Variants in SCN2A observed in about 807,000 individuals in gnomAD.
SCN2A encodes the protein sodium voltage-gated channel alpha subunit 2.
A neutral mutation model predicts 188.7 loss-of-function variants in SCN2A; 20 were observed. The ratio of observed to expected loss-of-function variants is 0.11; its 90% confidence interval spans 0.07 to 0.15. The LOEUF (loss-of-function observed/expected upper bound fraction) is 0.15. Among genes scored for constraint, SCN2A ranks in the 10% least tolerant of loss-of-function variants. The pLI, the probability that SCN2A is intolerant of heterozygous loss-of-function variation, is 1.00. For synonymous variants in SCN2A, 804 were observed against 833.1 expected (o/e 0.97, Z 0.60); for missense variants, 1,278 against 2,445.0 (o/e 0.52, Z 10.07).
rs774679093 is a variant in SCN2A at position 165,373,211 on chromosome 2, C to G, written c.3850-14C>G. ...ATATGTAAATAAGAAAATTGTGTTGCTTTTTCTGTATAGGTCTCACTGGTT... is the reference window on the plus strand; with the variant it reads ...ATATGTAAATAAGAAAATTGTGTTGGTTTTTCTGTATAGGTCTCACTGGTT... On this transcript the variant is annotated splice_polypyrimidine_tract_variant and intron_variant, in intron 20 of 26. Coordinates refer to ENST00000375437, the MANE Select transcript of SCN2A (RefSeq NM_001040142.2). 3 of 1,612,650 alleles carry G rather than the reference C, an allele frequency of 1.9e-6. No individual in the cohort carries two copies. Among genetic ancestry groups the G allele is most frequent in the Non-Finnish European group, 2.5e-6 (3 of 1,178,886 alleles).
At position 165,326,763 on chromosome 2, in the gene SCN2A, A is replaced by G. The variant is rs74598858; in HGVS notation, c.2017-89A>G. On this transcript the variant is annotated intron_variant, in intron 12 of 26. Transcript: ENST00000375437. ...TTACATCTGAGAAAGCATGGTGTAT[A>G]TTTAGTTAAATAACACCTGTTGTAG... 57,364 of 1,347,980 alleles carry G rather than the reference A, an allele frequency of 0.043. 1,525 individuals are homozygous for G. Among genetic ancestry groups the G allele is most frequent in the Non-Finnish European group, 0.049 (46,134 of 941,284 alleles). 83.5% of individuals were successfully genotyped at this position (1,347,980 alleles called of 1,614,324 possible). A position where few individuals can be genotyped will look rare whatever the true frequency, so the allele number is the denominator to read the frequency against.
chr2:165,331,615 T>A, intron 14 of SCN2A, 47 bp downstream of exon 14: 1 of 1,427,706 alleles, frequency 7.0e-7, no homozygotes, highest in Admixed American at 1.7e-5. Context: ...AGTTTATAAT[T>A]GCCTTAGTGA....
intron 3 of SCN2A, among the ~76,000 whole-genome samples, chr2:165,303,152 T>A (rs1438545327): frequency 6.6e-6 from 1 of 152,216 alleles, no homozygotes; most frequent in East Asian, 1.9e-4. Context: ...GCTACTAGTT[T>A]GAGCCTTTTG....
At chr2:165,249,544 T>G (rs773478639) in intron 1 of SCN2A, among the ~76,000 whole-genome samples, 6 of 152,086 alleles carry the variant, frequency 3.9e-5, no homozygotes, top group Non-Finnish European at 8.8e-5. Context: ...CTTAGCTTAG[T>G]GAATAAGGGA....
At chr2:165,294,091 C>T (rs1166286571) in intron 1 of SCN2A, 1 of 971,560 alleles carries the variant, frequency 1.0e-6, no homozygotes, top group Non-Finnish European at 1.2e-6. Flanking sequence ...CTTCTTGGTG[C>T]CAGCTTATCA....
intron 1 of SCN2A, chr2:165,290,757 AG>A: frequency 1.0e-6 from 1 of 985,170 alleles, no homozygotes; most frequent in Non-Finnish European, 1.2e-6. Context: ...TGATTGCAGT[AG>A]GACAACTTAC....
intron 14 of SCN2A, among the ~76,000 whole-genome samples, chr2:165,332,388 T>C (rs1172967741): frequency 6.6e-6 from 1 of 152,080 alleles, no homozygotes; most frequent in East Asian, 1.9e-4. Context: ...AGTTGGCATA[T>C]GTTGGCCTCT....
At chr2:165,341,274 T>C (rs1439907268) in intron 14 of SCN2A, among the ~76,000 whole-genome samples, 1 of 152,044 alleles carries the variant, frequency 6.6e-6, no homozygotes, top group Non-Finnish European at 1.5e-5. Context: ...TTTGTATTTT[T>C]AGTAGAGAAG....
intron 23 of SCN2A, 66 bp from the exon 24 acceptor site, chr2:165,380,526 C>A (rs1701546699): frequency 1.7e-6 from 2 of 1,178,886 alleles, no homozygotes; most frequent in East Asian, 2.4e-5. Context: ...TAATTAAAAA[C>A]TCACTGATGT....
intron 16 of SCN2A, among the ~76,000 whole-genome samples, chr2:165,345,312 T>C (rs1358291680): frequency 6.6e-6 from 1 of 152,220 alleles, no homozygotes; most frequent in African/African-American, 2.4e-5. Flanking sequence ...TAAGAGCTCA[T>C]GGGGTTTTCG....
intron 1 of SCN2A, among the ~76,000 whole-genome samples, chr2:165,262,843 T>G (rs1284122608): frequency 6.6e-6 from 1 of 152,154 alleles, no homozygotes; most frequent in Non-Finnish European, 1.5e-5. Context: ...TCAGTAATGG[T>G]TGTACTAGTT....
At chr2:165,246,308 C>G (rs1244745029) in intron 1 of SCN2A, among the ~76,000 whole-genome samples, 1 of 152,150 alleles carries the variant, frequency 6.6e-6, no homozygotes, top group Admixed American at 6.5e-5. Context: ...TGTATGGCCT[C>G]TTAACAGACT....
Position 165,386,950 on chromosome 2 carries a change from C to T in SCN2A, c.4756C>T (p.Arg1586Cys). 1 of 1,613,656 alleles carries T rather than the reference C, an allele frequency of 6.2e-7. No individual in the cohort carries two copies. Among genetic ancestry groups the T allele is most frequent in the Non-Finnish European group, 8.5e-7 (1 of 1,179,706 alleles). Reference protein sequence around the residue: ...GECVLKLISLRYYYFTIGWNI... With the variant: ...GECVLKLISLCYYYFTIGWNI... ...ATGTGTGCTGAAACTGATCTCTCTT[C>T]GTTACTACTATTTCACTATTGGATG... Residue 1586 changes from arginine (R) to cysteine (C), a missense_variant, in exon 26 of 27, where the codon CGT becomes TGT. Physicochemically the swap from Arg to Cys is radical, Grantham distance 180. Transcript: ENST00000375437.
intron 1 of SCN2A, among the ~76,000 whole-genome samples, chr2:165,240,730 G>C (rs1201130693): frequency 6.9e-6 from 1 of 145,750 alleles, no homozygotes; most frequent in African/African-American, 2.5e-5. Context: ...GGTGCATCAG[G>C]ATGTTTTTAT....
intron 16 of SCN2A, among the ~76,000 whole-genome samples, chr2:165,353,878 C>A (rs140183834): frequency 0.015 from 2,224 of 152,002 alleles, 175 homozygotes; most frequent in Admixed American, 0.13. Context: ...TATCAGCATC[C>A]CAAATAAAAG....
chr2:165,284,059 T>TCTC (rs1695712875), intron 1 of SCN2A, among the ~76,000 whole-genome samples: 2 of 150,768 alleles, frequency 1.3e-5, no homozygotes, highest in African/African-American at 4.9e-5. Flanking sequence ...CTCTCTCTCT[T>TCTC]TCTCTCTCTC....
rs761906987 is a variant in SCN2A at position 165,313,605 on chromosome 2, C to G, written c.1035-15C>G. 3.7e-5 allele frequency: 60 copies of G among 1,612,984 alleles called. No individual in the cohort carries two copies. Among genetic ancestry groups the G allele is most frequent in the Non-Finnish European group, 5.1e-5 (60 of 1,179,242 alleles). ...CCGTTATTGACTTCCTTTCTTTCCT[C>G]TAACCTAATTATAGCCAGTGTCCTG... is the stretch of plus-strand genomic sequence containing the variant. On this transcript the variant is annotated splice_polypyrimidine_tract_variant and intron_variant, in intron 8 of 26. Transcript: ENST00000375437.
chr2:165,366,466 C>T (rs1462586850), intron 18 of SCN2A, among the ~76,000 whole-genome samples: 2 of 152,100 alleles, frequency 1.3e-5, no homozygotes, highest in Non-Finnish European at 2.9e-5. Flanking sequence ...GGCACAGTGG[C>T]TCACACCTGT....
In SCN2A at chr2:165,323,403, T is replaced by C. The variant is rs1559362618; in HGVS notation, c.1919T>C (p.Met640Thr). 1.2e-6 allele frequency: 2 copies of C among 1,614,110 alleles called. No individual in the cohort carries two copies. Among genetic ancestry groups the C allele is most frequent in the Non-Finnish European group, 1.7e-6 (2 of 1,179,994 alleles). ...TCCAGGGTGCTCCCCATCCTGCCCA[T>C]GAATGGGAAGATGCATAGCGCTGTG... ...RASRVLPILP[M>T]NGKMHSAVDC... is the part of the protein sequence containing the mutation. The change falls in exon 12 of 27, where the codon ATG becomes ACG. Residue 640 changes from methionine (M) to threonine (T), a missense_variant. Met to Thr is a moderately conservative substitution (Grantham distance 81). This residue lies in a region of SCN2A where 315 missense variants were observed against 386.6 expected (regional missense o/e 0.81). Transcript: ENST00000375437.
Sources: allele counts gnomAD v4.1 joint callset (sites outside exome capture counted in the v4.1 genomes callset), GRCh38; gene constraint gnomAD v4.1.1; regional missense constraint gnomAD v4.1.1; transcripts MANE v1.5; gene names NCBI Gene and HGNC (gene_info 2026-07-23, HGNC 2026-07-21).